The following PCDHGA7 variants were observed in gnomAD, a reference collection of about 807,000 sequenced individuals.
PCDHGA7 encodes protocadherin gamma subfamily A, 7.
PCDHGA7 carries 44 observed loss-of-function variants against 58.3 expected under a neutral mutation model. The ratio of observed to expected loss-of-function variants is 0.75; its 90% CI spans 0.59 to 0.97. The LOEUF is 0.97. Among genes scored for constraint, PCDHGA7 ranks in the 50% least tolerant of loss-of-function variants. PCDHGA7 has a pLI of 0.00. For missense variants in PCDHGA7, 1,266 were observed against 1,188.7 expected (o/e 1.06, Z -0.96); for synonymous variants, 516 against 504.2 (o/e 1.02, Z -0.31).
chr5:141,401,235 A>G (rs1444346000), intron 1 of PCDHGA7, among the ~76,000 whole-genome samples: 1 of 152,120 alleles, frequency 6.6e-6, no homozygotes, highest in East Asian at 1.9e-4. Context: ...CCAGCTACTC[A>G]GGAGGCTAAG....
rs1476740920 is a variant in PCDHGA7, at chr5:141,443,326, A to AC, written c.2425-51481_2425-51480insC. Among the ~76,000 whole-genome samples the AC allele has an allele frequency of 3.3e-5, 5 of 151,792 alleles. No homozygotes were observed. The South Asian group carries it at 8.3e-4, about 25-fold the overall frequency. ...CAAAAACCCATCTCTACAAAAAAAA[A>AC]AAACAAAAATTAACAAGGTTTAGTG... On this transcript the variant is annotated intron_variant, in intron 1 of 3. Transcript: ENST00000518325.
At chr5:141,408,815 C>T (rs770899981) in intron 1 of PCDHGA7, 1 of 1,613,406 alleles carries the variant, frequency 6.2e-7, no homozygotes, top group Non-Finnish European at 8.5e-7. Flanking sequence ...CCGGGAAGAA[C>T]AGAGATCTCA....
chr5:141,393,792 C>T, intron 1 of PCDHGA7: 1 of 1,613,908 alleles, frequency 6.2e-7, no homozygotes, highest in Non-Finnish European at 8.5e-7. Context: ...TGTGGGGGCA[C>T]TTCTGGGGAG....
chr5:141,501,331 A>ACC (rs906542724), intron 2 of PCDHGA7, among the ~76,000 whole-genome samples: 1 of 138,846 alleles, frequency 7.2e-6, no homozygotes, highest in Non-Finnish European at 1.6e-5. Flanking sequence ...ACACACACAC[A>ACC]CACCCCAAAC....
chr5:141,400,121 A>C lies in PCDHGA7; in HGVS notation c.2424+14798A>C. On this transcript the variant is annotated intron_variant, in intron 1 of 3. Coordinates refer to ENST00000518325, the MANE Select transcript of PCDHGA7 (RefSeq NM_018920.4). Reference sequence around the variant, plus strand: ...CACTTGGTCTTTGCTGACAGCTTGCAGGAGGTGCTGCCGGATATCACTGAC... The same window carrying C: ...CACTTGGTCTTTGCTGACAGCTTGCCGGAGGTGCTGCCGGATATCACTGAC... 1.2e-6 allele frequency: 2 copies of C among 1,614,054 alleles called. No individual in the cohort carries two copies. The highest frequency in any genetic ancestry group is 1.7e-6 in the Non-Finnish European group (2 of 1,179,890).
rs753256077 is a variant in PCDHGA7 at position 141,431,467 on chromosome 5, C to A, written c.2424+46144C>A. On this transcript the variant is annotated intron_variant, in intron 1 of 3. Coordinates refer to ENST00000518325, the MANE Select transcript of PCDHGA7 (RefSeq NM_018920.4). The surrounding 1 kb of genome is among the most constrained non-coding windows in gnomAD (Gnocchi z 4.8). The stretch of plus-strand genomic sequence containing the variant: ...TCCGCGTGATGGTTCTGGATGCGAA[C>A]GACAACGCACCAGCGTTTGCTCAGC... 1.9e-5 allele frequency: 31 copies of A among 1,613,684 alleles called. No homozygotes were observed. The highest frequency in any genetic ancestry group is 3.4e-6 in the Non-Finnish European group (4 of 1,179,964).
At chr5:141,418,539 A>G (rs984639830) in intron 1 of PCDHGA7, 14 of 1,614,034 alleles carry the variant, frequency 8.7e-6, no homozygotes, top group Non-Finnish European at 1.0e-5. Context: ...GGTACTGCTC[A>G]GATAAGAATC....
At chr5:141,400,766 C>T in intron 1 of PCDHGA7, 1 of 577,074 alleles carries the variant, frequency 1.7e-6, no homozygotes, top group South Asian at 2.3e-5. Context: ...CTAGCAAAAA[C>T]ATTTGGTGCG....
intron 2 of PCDHGA7, 70 bp downstream of exon 2, chr5:141,494,935 G>T (rs1456805368): frequency 2.5e-6 from 4 of 1,612,364 alleles, no homozygotes; most frequent in African/African-American, 1.3e-5. Context: ...GGGAGGAGAT[G>T]GGGGAGGGCC....
intron 1 of PCDHGA7, chr5:141,492,046 A>C: frequency 6.1e-6 from 3 of 494,434 alleles, no homozygotes; most frequent in South Asian, 8.1e-5. Flanking sequence ...TCACAGATCC[A>C]CCCCTGCAGC....
intron 1 of PCDHGA7, among the ~76,000 whole-genome samples, chr5:141,456,690 C>T (rs893478646): frequency 7.2e-5 from 11 of 152,218 alleles, no homozygotes; most frequent in Admixed American, 5.2e-4. Flanking sequence ...ACTGGCCAGG[C>T]GTGGTGGCTC....
In PCDHGA7 at chr5:141,432,122, G is replaced by C; in HGVS notation, c.2424+46799G>C. On this transcript the variant is annotated intron_variant, in intron 1 of 3. Transcript: ENST00000518325. This position sits in a 1 kb window ranked among gnomAD's most constrained non-coding sequence, Gnocchi z 6.0. ...CGACAACCCGCCGGTCTTCCCTCAG[G>C]CCTCCTATTCCGCTTATATCCCAGA... 6.2e-7 allele frequency: 1 copy of C among 1,614,052 alleles called. No homozygotes were observed. Among genetic ancestry groups the C allele is most frequent in the Non-Finnish European group, 8.5e-7 (1 of 1,180,022 alleles).
In PCDHGA7 at chr5:141,441,804, C is replaced by CAT. The variant is rs1189673284; in HGVS notation, c.2425-53003_2425-53002insAT. The CAT allele has an allele frequency of 6.5e-4, 249 of 382,482 alleles. 2 individuals are homozygous for CAT. Among genetic ancestry groups the CAT allele is most frequent in the African/African-American group, 4.8e-3 (221 of 45,888 alleles). 23.7% of individuals were successfully genotyped at this position (382,482 alleles called of 1,614,324 possible). The stretch of plus-strand genomic sequence containing the variant: ...CCTGAATGACAACGCACCGCGGGTG[C>CAT]TGTACCCCAGCTCTGGAGCGCAATG... On this transcript the variant is annotated intron_variant, in intron 1 of 3. Transcript: ENST00000518325.
In PCDHGA7 at chr5:141,385,197, T is replaced by A. The variant is rs371691840; in HGVS notation, c.2298T>A (p.Ser766Arg). The change falls in exon 1 of 4, where the codon AGT (serine) becomes AGA (arginine). Residue 766 changes from serine to arginine, a missense_variant. Physicochemically the swap from Ser to Arg is moderately radical, Grantham distance 110. Coordinates refer to ENST00000518325, the MANE Select transcript of PCDHGA7 (RefSeq NM_018920.4). ...EVSLTADSRK[S>R]HLIFPQPNYV... ...CCCTCACCGCGGACTCTCGGAAGAG[T>A]CACCTGATCTTCCCCCAGCCCAACT... 1 of 1,613,774 alleles carries A rather than the reference T, an allele frequency of 6.2e-7. No individual in the cohort carries two copies. Among genetic ancestry groups the A allele is most frequent in the African/African-American group, 1.3e-5 (1 of 74,808 alleles).
At chr5:141,418,489 G>C (rs774653264) in intron 1 of PCDHGA7, 26 of 1,613,874 alleles carry the variant, frequency 1.6e-5, no homozygotes, top group Admixed American at 1.5e-4. Context: ...CTCACCACTT[G>C]GTACTGACCG....
intron 1 of PCDHGA7, chr5:141,415,033 C>G (rs1207811183): frequency 1.2e-6 from 2 of 1,613,456 alleles, no homozygotes; most frequent in South Asian, 1.1e-5. Flanking sequence ...CGAGCCGGGA[C>G]TCTTCGCGGT....
chr5:141,482,736 C>T (rs897817817), intron 1 of PCDHGA7, among the ~76,000 whole-genome samples: 6 of 152,056 alleles, frequency 3.9e-5, no homozygotes, highest in African/African-American at 1.2e-4. Context: ...GCAAGAAATT[C>T]CATGCAGAGG....
Position 141,477,289 on chromosome 5 carries a change from T to G in PCDHGA7, c.2425-17518T>G, listed in dbSNP as rs759477848. On this transcript the variant is annotated intron_variant, in intron 1 of 3. Coordinates refer to ENST00000518325, the MANE Select transcript of PCDHGA7 (RefSeq NM_018920.4). The surrounding 1 kb of genome is among the most constrained non-coding windows in gnomAD (Gnocchi z 4.9). ...AGAACGGGCTGGTGACCTGCGAAGT[T>G]CCACCGGGTCTCCCTTTCAGCCTTA... The G allele has an allele frequency of 3.2e-5, 52 of 1,614,046 alleles. No individual in the cohort carries two copies. Among genetic ancestry groups the G allele is most frequent in the Non-Finnish European group, 4.2e-5 (50 of 1,180,040 alleles).
chr5:141,399,472 C>T lies in PCDHGA7; in HGVS notation c.2424+14149C>T, dbSNP rs763239278. On this transcript the variant is annotated intron_variant, in intron 1 of 3. Transcript: ENST00000518325. ...CGTCAACGATAACGCTCCGGTTTTCCACCAGGCGTCCTACTTAGTCAGTGT... is the reference window on the plus strand; with the variant it reads ...CGTCAACGATAACGCTCCGGTTTTCTACCAGGCGTCCTACTTAGTCAGTGT... 29 of 1,613,908 alleles carry T rather than the reference C, an allele frequency of 1.8e-5. No individual in the cohort carries two copies. The South Asian group carries it at 2.9e-4, about 16-fold the overall frequency.
Sources: gnomAD v4.1 joint callset for allele counts (sites outside exome capture counted in the v4.1 genomes callset) on GRCh38, gnomAD v4.1.1 for gene constraint, Gnocchi (gnomAD v3.1) non-coding constraint, MANE v1.5 for transcripts, NCBI Gene and HGNC (gene_info 2026-07-23, HGNC 2026-07-21) for gene names.